The following TMEM98 variants were observed in gnomAD, a reference collection of about 807,000 sequenced individuals.
TMEM98 encodes the protein transmembrane protein 98.
In TMEM98, 18 loss-of-function variants were observed where a neutral mutation model predicts 25.0. That is an observed-to-expected ratio of 0.72 (90% CI 0.50 to 1.07). The LOEUF (loss-of-function observed/expected upper bound fraction) is 1.07. TMEM98 is among the 50% of genes least tolerant of loss of function. TMEM98 has a pLI of 0.00. For synonymous variants in TMEM98, 103 were observed against 112.4 expected (o/e 0.92, Z 0.53); for missense variants, 241 against 289.0 (o/e 0.83, Z 1.20).
At chr17:32,938,450 A>G (rs1026313230) in intron 6 of TMEM98, among the ~76,000 whole-genome samples, 12 of 152,234 alleles carry the variant, frequency 7.9e-5, no homozygotes, top group African/African-American at 2.9e-4. Context: ...GCTTTTAGAA[A>G]TCAAACAATA....
chr17:32,931,761 G>T, intron 3 of TMEM98, 102 bp downstream of exon 3: 1 of 1,456,420 alleles, frequency 6.9e-7, no homozygotes. Context: ...TCAGCTTTTT[G>T]GTTCTAAAAT....
intron 4 of TMEM98, 62 bp downstream of exon 4, chr17:32,933,367 C>T: frequency 6.2e-7 from 1 of 1,605,862 alleles, no homozygotes; most frequent in Admixed American, 1.7e-5. Context: ...TGCTGGTGTC[C>T]TTTGCCAGAG....
At position 32,943,506 on chromosome 17, in the gene TMEM98, C is replaced by G. The variant is rs2091541378; in HGVS notation, c.*2513C>G. The stretch of plus-strand genomic sequence containing the variant: ...GTAGTAGAGCCTTCCTTCCATGTCT[C>G]TCTTCCCTCTGGCCTGGAATAGGAG... On this transcript the variant is annotated 3_prime_UTR_variant, in exon 8 of 8. Coordinates refer to ENST00000579849, the MANE Select transcript of TMEM98 (RefSeq NM_015544.3). 1 of 152,156 alleles carries G rather than the reference C, an allele frequency of 6.6e-6. No individual in the cohort carries two copies. Among genetic ancestry groups the G allele is most frequent in the South Asian group, 2.1e-4 (1 of 4,828 alleles). 9.4% of individuals were successfully genotyped at this position (152,156 alleles called of 1,614,324 possible).
rs2091478821 is a variant in TMEM98 at position 32,933,178 on chromosome 17, A to G, written c.136A>G (p.Ile46Val). 1 of 1,614,082 alleles carries G rather than the reference A, an allele frequency of 6.2e-7. No individual in the cohort carries two copies. Among genetic ancestry groups the G allele is most frequent in the South Asian group, 1.1e-5 (1 of 91,070 alleles). ...AACGGGGGCCTTTTCTTCCAGGCCCATTGTGGACCTCATTGGTGCCATGGA... is the reference window on the plus strand; with the variant it reads ...AACGGGGGCCTTTTCTTCCAGGCCCGTTGTGGACCTCATTGGTGCCATGGA... ...DLLQRYDSKP[I>V]VDLIGAMETQ... The change falls in exon 4 of 8, where the codon ATT becomes GTT. Residue 46 changes from isoleucine to valine, a missense_variant. Physicochemically the swap from Ile to Val is conservative, Grantham distance 29. Transcript: ENST00000579849.
At chr17:32,936,508 T>G in intron 6 of TMEM98, 61 bp downstream of exon 6, 1 of 1,451,234 alleles carries the variant, frequency 6.9e-7, no homozygotes. Flanking sequence ...GGCTGGAAGC[T>G]GGGGTAGCCG....
At chr17:32,935,815 C>G (rs2091493043) in intron 5 of TMEM98, among the ~76,000 whole-genome samples, 2 of 152,156 alleles carry the variant, frequency 1.3e-5, no homozygotes, top group Non-Finnish European at 2.9e-5. Flanking sequence ...CCCTGCTTTT[C>G]CTAAGGTCCT....
rs902075584 is a variant in TMEM98, at chr17:32,931,330, C to T, written c.-127C>T. On this transcript the variant is annotated 5_prime_UTR_variant, in exon 2 of 8. Transcript: ENST00000579849. ...ATTTTACCTTGGTTCTCTTCAGGCC[C>T]TCAGGTCTCTGCAGGTGTCGTGGAG... 42 of 588,558 alleles carry T rather than the reference C, an allele frequency of 7.1e-5. No individual in the cohort carries two copies. Among genetic ancestry groups the T allele is most frequent in the Middle Eastern group, 4.6e-4 (1 of 2,184 alleles). 36.5% of individuals were successfully genotyped at this position (588,558 alleles called of 1,614,324 possible). A position where few individuals can be genotyped will look rare whatever the true frequency, so the allele number is the denominator to read the frequency against.
intron 5 of TMEM98, among the ~76,000 whole-genome samples, chr17:32,936,125 T>C (rs1359579782): frequency 6.6e-6 from 1 of 152,144 alleles, no homozygotes; most frequent in Admixed American, 6.5e-5. Flanking sequence ...GATCTGCGGC[T>C]CCCACCCCAG....
At chr17:32,939,809 G>A (rs192097783) in intron 7 of TMEM98, among the ~76,000 whole-genome samples, 49 of 152,186 alleles carry the variant, frequency 3.2e-4, no homozygotes, top group African/African-American at 1.1e-3. Flanking sequence ...TCCTAACTGT[G>A]CCTTCCCTTC....
intron 7 of TMEM98, among the ~76,000 whole-genome samples, chr17:32,940,394 A>C (rs1424936888): frequency 6.6e-6 from 1 of 152,078 alleles, no homozygotes; most frequent in Non-Finnish European, 1.5e-5. Context: ...CCTATGTTTC[A>C]GTGGGCAGCG....
intron 7 of TMEM98, 81 bp from the exon 8 acceptor site, chr17:32,940,705 C>T (rs900228358): frequency 1.4e-6 from 2 of 1,382,936 alleles, no homozygotes; most frequent in Non-Finnish European, 2.0e-6. Context: ...GAATACTAGT[C>T]AAAAAGTCTA....
chr17:32,928,825 TA>T (rs2091447793), intron 1 of TMEM98, among the ~76,000 whole-genome samples: 1 of 142,018 alleles, frequency 7.0e-6, no homozygotes, highest in African/African-American at 2.9e-5. Flanking sequence ...GCACACAAGA[TA>T]AACACTCAGC....
chr17:32,930,108 A>T (rs559008742), intron 1 of TMEM98, among the ~76,000 whole-genome samples: 3 of 152,034 alleles, frequency 2.0e-5, no homozygotes, highest in Admixed American at 2.0e-4. Flanking sequence ...CCCTCCTGGT[A>T]TTCTAAGGAC....
At chr17:32,929,661 TCTC>T (rs1355101714) in intron 1 of TMEM98, among the ~76,000 whole-genome samples, 1 of 151,956 alleles carries the variant, frequency 6.6e-6, no homozygotes, top group African/African-American at 2.4e-5. Flanking sequence ...ATGCCAGCCT[TCTC>T]CTTCTTGTGG....
At chr17:32,938,613 A>G (rs1041412832) in intron 6 of TMEM98, among the ~76,000 whole-genome samples, 9 of 152,226 alleles carry the variant, frequency 5.9e-5, no homozygotes, top group African/African-American at 2.2e-4. Flanking sequence ...TGTGAAGCCA[A>G]ATGAAACTCA....
intron 6 of TMEM98, among the ~76,000 whole-genome samples, chr17:32,937,049 G>C (rs548490234): frequency 1.3e-5 from 2 of 152,354 alleles, no homozygotes; most frequent in East Asian, 1.9e-4. Flanking sequence ...GCTTGATATC[G>C]TGAGGAAAAA....
Position 32,933,290 on chromosome 17 carries a change from G to C in TMEM98, c.248G>C (p.Trp83Ser). Residue 83 changes from tryptophan (W) to serine (S), a missense_variant, in exon 4 of 8, where the codon TGG becomes TCG. Coordinates refer to ENST00000579849, the MANE Select transcript of TMEM98 (RefSeq NM_015544.3). Reference sequence around the variant, plus strand: ...GAGGCCATTCTGGAGAATGAAGACTGGATCGAAGATGCCTCGTAAGGCCAT... The same window carrying C: ...GAGGCCATTCTGGAGAATGAAGACTCGATCGAAGATGCCTCGTAAGGCCAT... ...HIEAILENED[W>S]IEDASGLMSH... is the part of the protein sequence containing the mutation. 1 of 1,614,146 alleles carries C rather than the reference G, an allele frequency of 6.2e-7. No individual in the cohort carries two copies. The highest frequency in any genetic ancestry group is 8.5e-7 in the Non-Finnish European group (1 of 1,180,014).
chr17:32,936,727 C>T (rs2091498634), intron 6 of TMEM98, among the ~76,000 whole-genome samples: 1 of 152,184 alleles, frequency 6.6e-6, no homozygotes, highest in Admixed American at 6.5e-5. Flanking sequence ...AGACCCTGCC[C>T]TGCAGAGCCC....
intron 4 of TMEM98, among the ~76,000 whole-genome samples, chr17:32,933,838 A>G (rs946665527): frequency 4.6e-5 from 7 of 152,334 alleles, no homozygotes; most frequent in Middle Eastern, 3.4e-3. Context: ...ATCCTTGTGT[A>G]CAGTGCAGTA....
Sources: allele counts gnomAD v4.1 joint callset (sites outside exome capture counted in the v4.1 genomes callset), GRCh38; gene constraint gnomAD v4.1.1; transcripts MANE v1.5; gene names NCBI Gene and HGNC (gene_info 2026-07-23, HGNC 2026-07-21).